Variants in CHN1 observed in about 807,000 individuals in gnomAD.
CHN1 encodes N-chimaerin.
A neutral mutation model predicts 59.5 loss-of-function variants in CHN1; 37 were observed. The observed-to-expected ratio is 0.62, with a 90% confidence interval of 0.48 to 0.82. The LOEUF is 0.82. Ranked by LOEUF, CHN1 falls within the 40% of genes least tolerant of loss-of-function variation. The pLI, the probability that CHN1 is intolerant of heterozygous loss-of-function variation, is 0.00. For missense variants in CHN1, 469 were observed against 571.0 expected (o/e 0.82, Z 1.82); for synonymous variants, 206 against 200.4 (o/e 1.03, Z -0.24).
chr2:175,001,513 G>C (rs1691888032), intron 1 of CHN1, among the ~76,000 whole-genome samples: 1 of 152,118 alleles, frequency 6.6e-6, no homozygotes, highest in African/African-American at 2.4e-5. Context: ...ATGGCAGAAG[G>C]GTCTGAGGAA....
chr2:174,984,366 C>CTTTTTT (rs397986749), intron 1 of CHN1, among the ~76,000 whole-genome samples: 5 of 117,210 alleles, frequency 4.3e-5, no homozygotes, highest in Admixed American at 8.7e-5. Context: ...GTTTTATAAG[C>CTTTTTT]TTTTTTTTTT....
intron 3 of CHN1, among the ~76,000 whole-genome samples, chr2:174,921,679 A>C (rs567293687): frequency 2.0e-4 from 30 of 152,230 alleles, no homozygotes; most frequent in African/African-American, 7.2e-4. Context: ...GGAAACTTAC[A>C]ATTATGGCAG....
At chr2:174,980,184 C>A (rs1226925560) in intron 1 of CHN1, among the ~76,000 whole-genome samples, 1 of 152,154 alleles carries the variant, frequency 6.6e-6, no homozygotes, top group Non-Finnish European at 1.5e-5. Context: ...GACCAACACA[C>A]CCTCTGCTAT....
Position 174,826,901 on chromosome 2 carries a change from T to A in CHN1, c.628-2383A>T, listed in dbSNP as rs535229703. Among the ~76,000 whole-genome samples, 60 of 152,350 alleles carry A rather than the reference T, an allele frequency of 3.9e-4. No homozygotes were observed. In the South Asian group the frequency reaches 0.012, roughly 29 times the overall value. ...ACAGTTCATTCTTGGGCAGCTTTTT[T>A]AATGAAGGCATCCTGAGCCATTTGA... On this transcript the variant is annotated intron_variant, in intron 7 of 12. Transcript: ENST00000409900.
intron 3 of CHN1, among the ~76,000 whole-genome samples, chr2:174,937,863 C>A (rs139144962): frequency 6.6e-6 from 1 of 152,088 alleles, no homozygotes; most frequent in Non-Finnish European, 1.5e-5. Flanking sequence ...CTGTGAGCTT[C>A]GTGAAGCCTC....
intron 5 of CHN1, among the ~76,000 whole-genome samples, chr2:174,885,299 T>G (rs1004337820): frequency 9.3e-5 from 14 of 150,372 alleles, no homozygotes; most frequent in African/African-American, 3.4e-4. Context: ...AAAATATATA[T>G]ATATAGAGAG....
intron 3 of CHN1, among the ~76,000 whole-genome samples, chr2:174,919,299 A>G (rs1382851489): frequency 6.6e-6 from 1 of 152,238 alleles, no homozygotes; most frequent in Non-Finnish European, 1.5e-5. Flanking sequence ...AGTGGGTAAC[A>G]AAAGGGAAGA....
chr2:174,909,923 T>C (rs1407608916), intron 5 of CHN1, among the ~76,000 whole-genome samples: 2 of 152,196 alleles, frequency 1.3e-5, no homozygotes, highest in Non-Finnish European at 2.9e-5. Context: ...GTTTTATAAA[T>C]AGGAAACTAA....
At chr2:174,986,481 G>A (rs746499062) in intron 1 of CHN1, among the ~76,000 whole-genome samples, 7 of 152,094 alleles carry the variant, frequency 4.6e-5, no homozygotes, top group Admixed American at 1.3e-4. Flanking sequence ...AGACTAATAC[G>A]AAAGAAAACA....
rs911545993 is a variant in CHN1, at chr2:174,846,842, T to C, written c.627+38A>G. 8.8e-6 allele frequency: 13 copies of C among 1,481,002 alleles called. 1 individual carries two copies. The South Asian group carries it at 1.3e-4, about 15-fold the overall frequency. 91.7% of individuals were successfully genotyped at this position (1,481,002 alleles called of 1,614,324 possible). On this transcript the variant is annotated intron_variant, in intron 7 of 12. Coordinates refer to ENST00000409900, the MANE Select transcript of CHN1 (RefSeq NM_001822.7). ...CTTTAATATTATATATTTCAAGTAA[T>C]ATGCATTTCTTAAAAGACTAAAAGC...
chr2:174,960,150 G>A (rs575906139), intron 1 of CHN1, among the ~76,000 whole-genome samples: 3 of 152,178 alleles, frequency 2.0e-5, no homozygotes, highest in African/African-American at 4.8e-5. Context: ...ACATGAGAGT[G>A]TAACAGGTCA....
At chr2:174,968,468 C>T (rs1013619897) in intron 1 of CHN1, among the ~76,000 whole-genome samples, 3 of 152,226 alleles carry the variant, frequency 2.0e-5, no homozygotes, top group African/African-American at 4.8e-5. Flanking sequence ...TTCTAAAGCA[C>T]GTTAACTATC....
intron 11 of CHN1, among the ~76,000 whole-genome samples, chr2:174,805,885 C>A (rs182009929): frequency 6.6e-6 from 1 of 152,236 alleles, no homozygotes; most frequent in East Asian, 1.9e-4. Flanking sequence ...GACCAAGAAC[C>A]CTGGGCTTTG....
intron 5 of CHN1, among the ~76,000 whole-genome samples, chr2:174,890,276 T>C (rs1472867826): frequency 6.6e-6 from 1 of 152,162 alleles, no homozygotes; most frequent in South Asian, 2.1e-4. Context: ...GTGACCATAC[T>C]TGTATCATGG....
intron 3 of CHN1, among the ~76,000 whole-genome samples, chr2:174,937,375 C>T (rs1354597458): frequency 6.6e-6 from 1 of 152,132 alleles, no homozygotes; most frequent in African/African-American, 2.4e-5. Context: ...GAAATGTGCA[C>T]ATGCAAACAA....
chr2:174,811,523 C>T lies in CHN1; in HGVS notation c.952G>A (p.Ala318Thr). ...FSDLIEDVKM[A>T]FDRDGEKADI... is the part of the protein sequence containing the mutation. The stretch of plus-strand genomic sequence containing the variant: ...GTGAAAAACATACCTCTGTCGAAAG[C>T]CATCTTGACATCTTCAATTAGGTCA... The change falls in exon 10 of 13, where the codon GCT becomes ACT. Residue 318 changes from alanine (A) to threonine (T), a missense_variant. By Grantham distance (58) the Ala-to-Thr change is moderately conservative (BLOSUM62 0). Coordinates refer to ENST00000409900, the MANE Select transcript of CHN1 (RefSeq NM_001822.7). 6.2e-7 allele frequency: 1 copy of T among 1,609,948 alleles called. No homozygotes were observed. The highest frequency in any genetic ancestry group is 8.5e-7 in the Non-Finnish European group (1 of 1,177,080).
chr2:174,879,764 T>A (rs1687679300), intron 5 of CHN1, among the ~76,000 whole-genome samples: 1 of 152,200 alleles, frequency 6.6e-6, no homozygotes, highest in African/African-American at 2.4e-5. Context: ...CACATTTCAA[T>A]GAGGGCTCAG....
At chr2:174,847,766 C>G in intron 6 of CHN1, 1 of 325,166 alleles carries the variant, frequency 3.1e-6, no homozygotes, top group South Asian at 2.1e-5. Flanking sequence ...TTCTTGCTGG[C>G]TCAAGGCAAA....
chr2:174,918,892 C>A (rs1032198104), intron 3 of CHN1, among the ~76,000 whole-genome samples: 4 of 152,116 alleles, frequency 2.6e-5, no homozygotes, highest in Non-Finnish European at 5.9e-5. Flanking sequence ...ACAATTGTGA[C>A]ACACTCAATT....
Sources: allele counts gnomAD v4.1 joint callset (sites outside exome capture counted in the v4.1 genomes callset), GRCh38; gene constraint gnomAD v4.1.1; transcripts MANE v1.5; gene names NCBI Gene and HGNC (gene_info 2026-07-23, HGNC 2026-07-21).